COX10: variants seen among roughly 807,000 people sequenced by gnomAD.
COX10 encodes protoheme IX farnesyltransferase, mitochondrial.
A neutral mutation model predicts 37.3 loss-of-function variants in COX10; 27 were observed. That is an observed-to-expected ratio of 0.72 (90% CI 0.53 to 1.00). The LOEUF (loss-of-function observed/expected upper bound fraction) is 1.00, where lower values mean the gene tolerates loss of function less well. COX10 is among the 50% of genes least tolerant of loss of function. COX10 has a pLI of 0.00. For missense variants in COX10, 475 were observed against 563.2 expected, an observed-to-expected ratio of 0.84 and a Z score of 1.59; for synonymous variants, 222 against 229.1, an observed-to-expected ratio of 0.97 and a Z score of 0.28.
chr17:14,202,738 C>A (rs1906582762), intron 6 of COX10, among the ~76,000 whole-genome samples: 1 of 150,846 alleles, frequency 6.6e-6, no homozygotes, highest in South Asian at 2.1e-4. Flanking sequence ...GCCACCCCCT[C>A]TGTCTCTCGA....
chr17:14,184,101 A>G (rs1905951918), intron 5 of COX10, among the ~76,000 whole-genome samples: 1 of 152,178 alleles, frequency 6.6e-6, no homozygotes, highest in Non-Finnish European at 1.5e-5. Context: ...TCTAAGGCCA[A>G]CAGATTAAAT....
At chr17:14,077,378 T>G in intron 3 of COX10, 1 of 308,926 alleles carries the variant, frequency 3.2e-6, no homozygotes, top group South Asian at 3.1e-5. Flanking sequence ...GATAATAGGT[T>G]TTGTCAACTT....
chr17:14,074,505 T>G, intron 2 of COX10, 49 bp downstream of exon 2: 3 of 1,563,628 alleles, frequency 1.9e-6, no homozygotes, highest in South Asian at 1.1e-5. Context: ...CCTTTTTCTC[T>G]GTTGAGAGAA....
intron 3 of COX10, 112 bp downstream of exon 3, chr17:14,077,168 T>C (rs1482941216): frequency 1.0e-6 from 1 of 991,404 alleles, no homozygotes; most frequent in Non-Finnish European, 1.5e-6. Context: ...AGGTCCTGTC[T>C]TAGTATTTTT....
intron 6 of COX10, among the ~76,000 whole-genome samples, chr17:14,196,508 G>A (rs1906371470): frequency 6.6e-6 from 1 of 152,280 alleles, no homozygotes; most frequent in African/African-American, 2.4e-5. Flanking sequence ...CTAGAGTGGG[G>A]TGGGGACACG....
intron 5 of COX10, among the ~76,000 whole-genome samples, chr17:14,190,477 T>C (rs538806549): frequency 6.6e-6 from 1 of 152,200 alleles, no homozygotes; most frequent in Non-Finnish European, 1.5e-5. Flanking sequence ...CTCTCAGCTG[T>C]AATTTATGGT....
In COX10 at chr17:14,203,178, C is replaced by T. The variant is rs145120010; in HGVS notation, c.929-3632C>T. Among the ~76,000 whole-genome samples, 1,301 of 152,134 alleles carry T rather than the reference C, an allele frequency of 8.6e-3. 13 individuals carry two copies. Among genetic ancestry groups the T allele is most frequent in the Non-Finnish European group, 9.1e-3 (621 of 67,998 alleles). On this transcript the variant is annotated intron_variant, in intron 6 of 6. Coordinates refer to ENST00000261643, the MANE Select transcript of COX10 (RefSeq NM_001303.4). ...ATGGATTCAATGAATAATAGCTGCT[C>T]ATATTATCAGCATTAAAATTGAGTG...
At chr17:14,196,530 G>A (rs1352277338) in intron 6 of COX10, among the ~76,000 whole-genome samples, 3 of 152,304 alleles carry the variant, frequency 2.0e-5, no homozygotes, top group African/African-American at 7.2e-5. Flanking sequence ...GCAAGGATGA[G>A]CCACCTGCAG....
At position 14,109,739 on chromosome 17, in the gene COX10, G is replaced by T. The variant is rs1268078435; in HGVS notation, c.624+7497G>T. 2.6e-5 allele frequency among the ~76,000 whole-genome samples: 4 copies of T among 152,230 alleles called. No homozygotes were observed. The East Asian group carries it at 5.8e-4, about 22-fold the overall frequency. The stretch of plus-strand genomic sequence containing the variant: ...ATTAATATGAGTCTTCCTGCTACCA[G>T]GTTAACTGCTGACATCCTTGCCACG... On this transcript the variant is annotated intron_variant, in intron 4 of 6. Transcript: ENST00000261643.
chr17:14,151,688 T>A (rs1904902148), intron 4 of COX10, among the ~76,000 whole-genome samples: 1 of 152,110 alleles, frequency 6.6e-6, no homozygotes, highest in Admixed American at 6.6e-5. Flanking sequence ...TCCCATGAAA[T>A]TCAATTAAAG....
rs535355403 is a variant in COX10, at chr17:14,183,492, C to G, written c.696-8497C>G. ...AGAATCACTCACAGAGATATTAATTCCTCTGTTCTTAATAAAAGGCCATTA... is the reference window on the plus strand; with the variant it reads ...AGAATCACTCACAGAGATATTAATTGCTCTGTTCTTAATAAAAGGCCATTA... On this transcript the variant is annotated intron_variant, in intron 5 of 6. Transcript: ENST00000261643. Among the ~76,000 whole-genome samples the G allele has an allele frequency of 2.6e-5, 4 of 152,212 alleles. No individual in the cohort carries two copies. In the East Asian group the frequency reaches 7.7e-4, roughly 29 times the overall value.
chr17:14,166,788 T>C (rs1284965527), intron 5 of COX10, among the ~76,000 whole-genome samples: 3 of 138,214 alleles, frequency 2.2e-5, no homozygotes, highest in Non-Finnish European at 4.7e-5. Context: ...TTTCTTTCTT[T>C]TTTTTTTTTT....
chr17:14,194,434 T>A (rs974599979), intron 6 of COX10, among the ~76,000 whole-genome samples: 2 of 152,198 alleles, frequency 1.3e-5, no homozygotes, highest in African/African-American at 4.8e-5. Flanking sequence ...TAAAATAATT[T>A]TTTTTCTTTT....
At chr17:14,104,717 A>G (rs1915855278) in intron 4 of COX10, among the ~76,000 whole-genome samples, 1 of 151,972 alleles carries the variant, frequency 6.6e-6, no homozygotes, top group African/African-American at 2.4e-5. Flanking sequence ...TATTTCTGTG[A>G]TCTCTGTGAA....
At chr17:14,128,910 G>C (rs542319295) in intron 4 of COX10, among the ~76,000 whole-genome samples, 5 of 152,298 alleles carry the variant, frequency 3.3e-5, no homozygotes, top group Non-Finnish European at 5.9e-5. Context: ...GCAGTGGCGC[G>C]ATCTCGGCCC....
chr17:14,109,873 A>G (rs1915975449), intron 4 of COX10, among the ~76,000 whole-genome samples: 1 of 152,104 alleles, frequency 6.6e-6, no homozygotes, highest in South Asian at 2.1e-4. Context: ...TGTTCCATTA[A>G]TGTTAGCTAT....
intron 1 of COX10, among the ~76,000 whole-genome samples, chr17:14,073,750 C>T (rs1915083012): frequency 6.6e-6 from 1 of 152,058 alleles, no homozygotes; most frequent in Non-Finnish European, 1.5e-5. Context: ...GGAGGAGGAC[C>T]AAGGCAGAGA....
At chr17:14,112,153 A>G (rs1480208967) in intron 4 of COX10, among the ~76,000 whole-genome samples, 1 of 152,172 alleles carries the variant, frequency 6.6e-6, no homozygotes, top group Non-Finnish European at 1.5e-5. Flanking sequence ...AGCCATCCTA[A>G]GAACCTACGT....
intron 3 of COX10, 178 bp downstream of exon 3, chr17:14,077,234 A>G (rs1915177289): frequency 1.6e-6 from 1 of 629,144 alleles, no homozygotes; most frequent in South Asian, 2.0e-5. Flanking sequence ...CTATTTACAC[A>G]GAATTGTAAA....
Sources: gnomAD v4.1 joint callset for allele counts (sites outside exome capture counted in the v4.1 genomes callset) on GRCh38, gnomAD v4.1.1 for gene constraint, MANE v1.5 for transcripts, NCBI Gene and HGNC (gene_info 2026-07-23, HGNC 2026-07-21) for gene names.